PTPRN2: variants seen among roughly 807,000 people sequenced by gnomAD.
PTPRN2 encodes the protein protein tyrosine phosphatase receptor type N2.
A neutral mutation model predicts 118.8 loss-of-function variants in PTPRN2; 74 were observed. The observed-to-expected ratio is 0.62, with a 90% confidence interval of 0.52 to 0.76. The LOEUF (loss-of-function observed/expected upper bound fraction) is 0.76. PTPRN2 is among the 30% of genes least tolerant of loss of function. The pLI is 0.00. For synonymous variants in PTPRN2, 641 were observed against 608.0 expected (o/e 1.05, Z -0.80); for missense variants, 1,481 against 1,394.4 (o/e 1.06, Z -0.99).
chr7:157,614,194 G>A (rs1802605441), intron 15 of PTPRN2: 1 of 451,900 alleles, frequency 2.2e-6, no homozygotes, highest in African/African-American at 2.0e-5. Flanking sequence ...TCAGGGCCAA[G>A]GCAGGGTTTG....
intron 3 of PTPRN2, among the ~76,000 whole-genome samples, chr7:158,253,157 T>G (rs1796796126): frequency 1.3e-5 from 2 of 152,188 alleles, no homozygotes; most frequent in African/African-American, 4.8e-5. Flanking sequence ...TACATGAGCC[T>G]TTTCTTCTAA....
At chr7:157,840,847 G>A (rs1175719659) in intron 12 of PTPRN2, among the ~76,000 whole-genome samples, 1 of 152,254 alleles carries the variant, frequency 6.6e-6, no homozygotes, top group African/African-American at 2.4e-5. Flanking sequence ...GACCCCTCCA[G>A]GAGCCAGAAG....
At chr7:158,142,698 G>C (rs1217597959) in intron 6 of PTPRN2, among the ~76,000 whole-genome samples, 1 of 152,134 alleles carries the variant, frequency 6.6e-6, no homozygotes, top group African/African-American at 2.4e-5. Flanking sequence ...TTCAAAGAAA[G>C]CTTCCAGCAA....
At chr7:158,301,112 C>T (rs1337707946) in intron 3 of PTPRN2, among the ~76,000 whole-genome samples, 5 of 152,110 alleles carry the variant, frequency 3.3e-5, no homozygotes, top group African/African-American at 4.8e-5. Flanking sequence ...AATAAAAATC[C>T]CATGACAAGT....
chr7:157,925,484 G>T (rs1270417667), intron 11 of PTPRN2, among the ~76,000 whole-genome samples: 2 of 152,200 alleles, frequency 1.3e-5, no homozygotes, highest in Non-Finnish European at 2.9e-5. Flanking sequence ...CCCTTCATGG[G>T]TTCACCTTCC....
chr7:158,238,912 GC>G (rs932516149), intron 3 of PTPRN2, among the ~76,000 whole-genome samples: 46 of 141,578 alleles, frequency 3.2e-4, no homozygotes, highest in African/African-American at 1.1e-3. Flanking sequence ...AGGCCACGCA[GC>G]CCCCAGGACG....
intron 5 of PTPRN2, among the ~76,000 whole-genome samples, chr7:158,183,547 T>C (rs1009467531): frequency 7.2e-5 from 11 of 152,186 alleles, no homozygotes; most frequent in African/African-American, 2.7e-4. Context: ...TTCCGCAAGG[T>C]CCCCTGTGAG....
intron 2 of PTPRN2, among the ~76,000 whole-genome samples, chr7:158,489,453 A>AT (rs1563351263): frequency 2.0e-5 from 3 of 152,220 alleles, no homozygotes; most frequent in Admixed American, 6.5e-5. Flanking sequence ...TCTCAAAAAA[A>AT]TTTTTTAAAA....
intron 12 of PTPRN2, among the ~76,000 whole-genome samples, chr7:157,727,317 T>A (rs1036440729): frequency 6.6e-6 from 1 of 152,104 alleles, no homozygotes; most frequent in Non-Finnish European, 1.5e-5. Context: ...GGTGCAGACA[T>A]ATGGCATAAC....
intron 11 of PTPRN2, among the ~76,000 whole-genome samples, chr7:158,076,492 C>T (rs1039695971): frequency 6.6e-6 from 1 of 152,270 alleles, no homozygotes; most frequent in Non-Finnish European, 1.5e-5. Flanking sequence ...CGGGGCCAAC[C>T]TGCCTGTGTC....
intron 2 of PTPRN2, among the ~76,000 whole-genome samples, chr7:158,459,838 A>G (rs11971915): frequency 0.44 from 32,248 of 73,288 alleles, 9,426 homozygotes; most frequent in Middle Eastern, 0.49. Flanking sequence ...TCATCCAGCT[A>G]CAGGATGGGA....
At chr7:158,330,072 A>G (rs1804065159) in intron 2 of PTPRN2, among the ~76,000 whole-genome samples, 4 of 115,828 alleles carry the variant, frequency 3.5e-5, no homozygotes, top group Admixed American at 8.4e-5. Context: ...CTCTCACCAT[A>G]AGAGCTGACA....
chr7:158,124,168 A>G (rs894317470), intron 9 of PTPRN2, among the ~76,000 whole-genome samples: 1 of 152,238 alleles, frequency 6.6e-6, no homozygotes, highest in Non-Finnish European at 1.5e-5. Flanking sequence ...TGGAAGTGGT[A>G]TGTGTCTGGG....
chr7:157,899,989 C>G (rs1797349691), intron 11 of PTPRN2, among the ~76,000 whole-genome samples: 1 of 152,148 alleles, frequency 6.6e-6, no homozygotes, highest in African/African-American at 2.4e-5. Context: ...GACAGATTGG[C>G]AAGCTTCTCT....
At position 158,563,886 on chromosome 7, in the gene PTPRN2, T is replaced by C. The variant is rs1303160207; in HGVS notation, c.112+23672A>G. ...ATATTTCTAAGATTGGGGTCATTCCTTACACCTGGATTTGTTCTCCAGTAA... is the reference window on the plus strand; with the variant it reads ...ATATTTCTAAGATTGGGGTCATTCCCTACACCTGGATTTGTTCTCCAGTAA... On this transcript the variant is annotated intron_variant, in intron 1 of 22. Coordinates refer to ENST00000389418, the MANE Select transcript of PTPRN2 (RefSeq NM_002847.5). This position sits in a 1 kb window ranked among gnomAD's most constrained non-coding sequence, Gnocchi z 5.1. Among the ~76,000 whole-genome samples the C allele has an allele frequency of 1.3e-5, 2 of 152,262 alleles. No individual in the cohort carries two copies. Among genetic ancestry groups the C allele is most frequent in the East Asian group, 3.8e-4 (2 of 5,206 alleles).
At chr7:157,597,973 A>G (rs184632690) in intron 16 of PTPRN2, among the ~76,000 whole-genome samples, 2 of 152,370 alleles carry the variant, frequency 1.3e-5, no homozygotes, top group East Asian at 3.9e-4. Context: ...TTGTGGAAGC[A>G]GCAACTGCAA....
intron 12 of PTPRN2, among the ~76,000 whole-genome samples, chr7:157,736,917 C>G (rs531742208): frequency 6.6e-6 from 1 of 152,156 alleles, no homozygotes; most frequent in African/African-American, 2.4e-5. Flanking sequence ...ATGAAAAGCT[C>G]CTCTCCGTCC....
intron 3 of PTPRN2, among the ~76,000 whole-genome samples, chr7:158,297,093 G>A (rs1057246101): frequency 2.6e-5 from 4 of 152,194 alleles, no homozygotes; most frequent in Non-Finnish European, 4.4e-5. Flanking sequence ...AAGCGGTAAC[G>A]GTGAAAATCC....
chr7:157,720,534 G>A (rs1799172788), intron 12 of PTPRN2, among the ~76,000 whole-genome samples: 1 of 152,248 alleles, frequency 6.6e-6, no homozygotes, highest in African/African-American at 2.4e-5. Context: ...CCCTGCGTAG[G>A]AGGCCTGAGC....
Sources: gnomAD v4.1 joint callset for allele counts (sites outside exome capture counted in the v4.1 genomes callset) on GRCh38, gnomAD v4.1.1 for gene constraint, Gnocchi (gnomAD v3.1) non-coding constraint, MANE v1.5 for transcripts, NCBI Gene and HGNC (gene_info 2026-07-23, HGNC 2026-07-21) for gene names.